ADGRL1: variants seen among roughly 807,000 people sequenced by gnomAD.
ADGRL1 encodes the protein adhesion G protein-coupled receptor L1, also known as CIRL-1.
In ADGRL1, 31 loss-of-function variants were observed where a neutral mutation model predicts 148.9. The ratio of observed to expected loss-of-function variants is 0.21; its 90% confidence interval spans 0.16 to 0.28. The LOEUF (loss-of-function observed/expected upper bound fraction) is 0.28, where lower values mean the gene tolerates loss of function less well. ADGRL1 is among the 10% of genes least tolerant of loss of function. ADGRL1 has a pLI of 1.00. For synonymous variants in ADGRL1, 937 were observed against 900.3 expected (o/e 1.04, Z -0.73); for missense variants, 1,521 against 2,058.8 (o/e 0.74, Z 5.05).
chr19:14,188,903 AGCTGGGATTATAG>A (rs1482645540), intron 1 of ADGRL1, among the ~76,000 whole-genome samples: 2 of 151,838 alleles, frequency 1.3e-5, no homozygotes, highest in Non-Finnish European at 2.9e-5. Context: ...CCTCCTGAGT[AGCTGGGATTATAG>A]GCGCCCACCA....
At position 14,160,778 on chromosome 19, in the gene ADGRL1, G is replaced by A. The variant is rs917049143; in HGVS notation, c.1511-82C>T. 5 of 803,808 alleles carry A rather than the reference G, an allele frequency of 6.2e-6. No homozygotes were observed. Among genetic ancestry groups the A allele is most frequent in the Non-Finnish European group, 1.1e-5 (5 of 459,276 alleles). The allele number at this position is 803,808 out of a possible 1,614,324, so 49.8% of individuals were successfully genotyped here. A position where few individuals can be genotyped will look rare whatever the true frequency, so the allele number is the denominator to read the frequency against. ...TGGGACAGAGAGGGGGAAAGGAGATGACAGAGAGTGGGGGACGAGCGGGCG... is the reference window on the plus strand; with the variant it reads ...TGGGACAGAGAGGGGGAAAGGAGATAACAGAGAGTGGGGGACGAGCGGGCG... On this transcript the variant is annotated intron_variant, in intron 6 of 22. Transcript: ENST00000361434. This position sits in a 1 kb window ranked among gnomAD's most constrained non-coding sequence, Gnocchi z 5.9.
intron 2 of ADGRL1, among the ~76,000 whole-genome samples, chr19:14,181,664 G>A (rs1457684514): frequency 6.6e-6 from 1 of 150,860 alleles, no homozygotes; most frequent in Non-Finnish European, 1.5e-5. Flanking sequence ...AGGTTGCAGT[G>A]AGCCGAGATC....
intron 1 of ADGRL1, among the ~76,000 whole-genome samples, chr19:14,193,842 A>C (rs567674978): frequency 5.3e-5 from 8 of 152,348 alleles, no homozygotes; most frequent in Non-Finnish European, 1.0e-4. Context: ...TGACCAAAAG[A>C]AGCCAGGAGA....
Position 14,150,226 on chromosome 19 carries a change from G to C in ADGRL1, c.*647C>G, listed in dbSNP as rs1340520440. 6.5e-6 allele frequency: 1 copy of C among 152,822 alleles called. No homozygotes were observed. The highest frequency in any genetic ancestry group is 6.5e-5 in the Admixed American group (1 of 15,270). 9.5% of individuals were successfully genotyped at this position (152,822 alleles called of 1,614,324 possible). On this transcript the variant is annotated 3_prime_UTR_variant, in exon 23 of 23. Transcript: ENST00000361434. Reference sequence around the variant, plus strand: ...GTGCACTGGGAGGCAGAGGGGGCAGGTTTGCTTGCGGGGCAGGGACCAAGA... The same window carrying C: ...GTGCACTGGGAGGCAGAGGGGGCAGCTTTGCTTGCGGGGCAGGGACCAAGA...
intron 1 of ADGRL1, among the ~76,000 whole-genome samples, chr19:14,189,564 C>A (rs886293388): frequency 6.6e-6 from 1 of 152,274 alleles, no homozygotes; most frequent in East Asian, 1.9e-4. Flanking sequence ...CTCAGCGCCA[C>A]GTTTCCAAGG....
chr19:14,187,476 C>CT (rs139911523), intron 1 of ADGRL1, among the ~76,000 whole-genome samples: 5,777 of 151,864 alleles, frequency 0.038, 245 homozygotes, highest in African/African-American at 0.11. Context: ...TGAACACCCC[C>CT]TCTCCAGCCC....
rs1403280742 is a variant in ADGRL1 at position 14,155,336 on chromosome 19, C to A, written c.3294+23G>T. 6.2e-7 allele frequency: 1 copy of A among 1,611,014 alleles called. No homozygotes were observed. Among genetic ancestry groups the A allele is most frequent in the Non-Finnish European group, 8.5e-7 (1 of 1,178,070 alleles). Reference sequence around the variant, plus strand: ...AAACGTCTCCAAGGGAGGCTGTGACCCAGGACCCCGCCTCGACCTCACCTT... The same window carrying A: ...AAACGTCTCCAAGGGAGGCTGTGACACAGGACCCCGCCTCGACCTCACCTT... On this transcript the variant is annotated intron_variant, in intron 18 of 22. Coordinates refer to ENST00000361434, the MANE Select transcript of ADGRL1 (RefSeq NM_014921.5). The surrounding 1 kb of genome is among the most constrained non-coding windows in gnomAD (Gnocchi z 5.0).
chr19:14,151,027 T>C lies in ADGRL1; in HGVS notation c.4256A>G (p.Tyr1419Cys), dbSNP rs1251403166. 2 of 1,513,292 alleles carry C rather than the reference T, an allele frequency of 1.3e-6. No homozygotes were observed. The highest frequency in any genetic ancestry group is 1.5e-5 in the African/African-American group (1 of 65,402). The allele number at this position is 1,513,292 out of a possible 1,614,324, so 93.7% of individuals were successfully genotyped here. Residue 1419 changes from tyrosine (Y) to cysteine (C), a missense_variant, in exon 23 of 23, where the codon TAC becomes TGC. Physicochemically the swap from Tyr to Cys is radical, Grantham distance 194. Transcript: ENST00000361434. ...CACCAGGGCTGGCGGGCGCGAGGTG[T>C]AGTAGATTTCGGGGGGGCCGGGGGG... ...PAPPGPPEIY[Y>C]TSRPPALVAR...
intron 1 of ADGRL1, among the ~76,000 whole-genome samples, chr19:14,199,957 CT>C (rs1353179735): frequency 1.3e-5 from 2 of 151,206 alleles, no homozygotes; most frequent in Non-Finnish European, 2.9e-5. Flanking sequence ...TGGTCTCGAT[CT>C]CCTGATCTCA....
At chr19:14,204,769 C>A (rs1333996199) in intron 1 of ADGRL1, among the ~76,000 whole-genome samples, 2 of 149,676 alleles carry the variant, frequency 1.3e-5, no homozygotes, top group Non-Finnish European at 2.9e-5. Flanking sequence ...AGCGCGCGAG[C>A]CAGCCATCTT....
chr19:14,202,365 G>A (rs1046397529), intron 1 of ADGRL1, among the ~76,000 whole-genome samples: 4 of 151,894 alleles, frequency 2.6e-5, no homozygotes, highest in African/African-American at 7.2e-5. Context: ...CAATCCTCCC[G>A]CCTCAGCCTC....
intron 2 of ADGRL1, among the ~76,000 whole-genome samples, chr19:14,179,698 G>C (rs940541956): frequency 2.0e-5 from 3 of 151,872 alleles, no homozygotes; most frequent in African/African-American, 7.3e-5. Context: ...CCTGAGGTCA[G>C]GAGTTTGAGA....
intron 1 of ADGRL1, among the ~76,000 whole-genome samples, chr19:14,199,698 C>A (rs1489408163): frequency 6.6e-6 from 1 of 152,124 alleles, no homozygotes; most frequent in East Asian, 1.9e-4. Flanking sequence ...GGATTACAGG[C>A]ACGAGCTACT....
At chr19:14,183,365 G>A (rs190674795) in intron 2 of ADGRL1, among the ~76,000 whole-genome samples, 168 bp downstream of exon 2, 2 of 152,154 alleles carry the variant, frequency 1.3e-5, no homozygotes, top group Admixed American at 6.5e-5. Flanking sequence ...TGGCACTGGG[G>A]TGTGTGTTAC....
chr19:14,160,481 T>G lies in ADGRL1; in HGVS notation c.1614+112A>C. The G allele has an allele frequency of 1.0e-6, 1 of 964,532 alleles. No individual in the cohort carries two copies. The highest frequency in any genetic ancestry group is 1.5e-6 in the Non-Finnish European group (1 of 655,092). 59.7% of individuals were successfully genotyped at this position (964,532 alleles called of 1,614,324 possible). On this transcript the variant is annotated intron_variant, in intron 7 of 22. Transcript: ENST00000361434. This position sits in a 1 kb window ranked among gnomAD's most constrained non-coding sequence, Gnocchi z 5.9. Reference sequence around the variant, plus strand: ...GGCCAGGGAGGTGACCCCACAGTCCTGCCTTCCAGACCTGCCAGCCCATGT... The same window carrying G: ...GGCCAGGGAGGTGACCCCACAGTCCGGCCTTCCAGACCTGCCAGCCCATGT...
At chr19:14,185,450 C>T (rs563313449) in intron 1 of ADGRL1, among the ~76,000 whole-genome samples, 22 of 152,290 alleles carry the variant, frequency 1.4e-4, no homozygotes, top group Non-Finnish European at 2.8e-4. Context: ...CTCGCCACCA[C>T]GCCCAGCTAA....
intron 1 of ADGRL1, among the ~76,000 whole-genome samples, chr19:14,192,156 T>C (rs1971985084): frequency 2.0e-5 from 3 of 152,174 alleles, no homozygotes; most frequent in South Asian, 4.1e-4. Flanking sequence ...GGTGGGAAGA[T>C]ACAATTTAGT....
chr19:14,189,139 TATA>T (rs1459912373), intron 1 of ADGRL1, among the ~76,000 whole-genome samples: 1 of 152,090 alleles, frequency 6.6e-6, no homozygotes, highest in African/African-American at 2.4e-5. Flanking sequence ...CCTGGTAACT[TATA>T]ATCTACTTTC....
Position 14,162,874 on chromosome 19 carries a change from C to T in ADGRL1, c.927G>A (p.Ser309=), listed in dbSNP as rs139860278. ...GTWETGYDKR[S]ASNAFMVCGV... Reference sequence around the variant, plus strand: ...CACACACCATGAAGGCGTTGGATGCCGAGCGCTTGTCGTAACCCGTCTCCC... The same window carrying T: ...CACACACCATGAAGGCGTTGGATGCTGAGCGCTTGTCGTAACCCGTCTCCC... The change falls in exon 5 of 23, where the codon TCG becomes TCA. Residue 309 remains serine, a synonymous_variant. Coordinates refer to ENST00000361434, the MANE Select transcript of ADGRL1 (RefSeq NM_014921.5). The surrounding 1 kb of genome is among the most constrained non-coding windows in gnomAD (Gnocchi z 5.4). The T allele has an allele frequency of 1.4e-4, 224 of 1,613,932 alleles. No individual in the cohort carries two copies. The African/African-American group carries it at 2.5e-3, about 18-fold the overall frequency.
Sources: allele counts gnomAD v4.1 joint callset (sites outside exome capture counted in the v4.1 genomes callset), GRCh38; gene constraint gnomAD v4.1.1; non-coding constraint Gnocchi (gnomAD v3.1); transcripts MANE v1.5; gene names NCBI Gene and HGNC (gene_info 2026-07-23, HGNC 2026-07-21).